The following SYK variants were observed in gnomAD, a reference collection of about 807,000 sequenced individuals.
SYK encodes the protein spleen associated tyrosine kinase.
A neutral mutation model predicts 77.8 loss-of-function variants in SYK; 16 were observed. That is an observed-to-expected ratio of 0.21 (90% CI 0.14 to 0.31). The LOEUF (loss-of-function observed/expected upper bound fraction) is 0.31. Among genes scored for constraint, SYK ranks in the 10% least tolerant of loss-of-function variants. The probability of loss-of-function intolerance (pLI) is 1.00; values close to 1 mark genes in which losing one functional copy is unlikely to be tolerated. For missense variants in SYK, 529 were observed against 814.4 expected (o/e 0.65, Z 4.26); for synonymous variants, 312 against 308.7 (o/e 1.01, Z -0.11).
chr9:90,892,875 A>T (rs760054331), intron 13 of SYK, among the ~76,000 whole-genome samples: 5 of 152,212 alleles, frequency 3.3e-5, no homozygotes, highest in Non-Finnish European at 7.3e-5. Flanking sequence ...ATGCGGCTCA[A>T]ATTCCTGTTT....
chr9:90,879,976 G>C (rs973908791), intron 11 of SYK, among the ~76,000 whole-genome samples: 2 of 152,240 alleles, frequency 1.3e-5, no homozygotes, highest in African/African-American at 4.8e-5. Context: ...TAGGGTCTAT[G>C]TTAACCAACT....
intron 1 of SYK, among the ~76,000 whole-genome samples, chr9:90,836,659 G>T (rs1163352555): frequency 6.6e-6 from 1 of 152,144 alleles, no homozygotes; most frequent in Non-Finnish European, 1.5e-5. Flanking sequence ...ATTGCATATT[G>T]CAGTAAAAAG....
At chr9:90,858,667 G>A (rs1827133339) in intron 3 of SYK, among the ~76,000 whole-genome samples, 1 of 152,254 alleles carries the variant, frequency 6.6e-6, no homozygotes, top group African/African-American at 2.4e-5. Context: ...TGTCTCCTAT[G>A]TTTAATTAAA....
Position 90,840,573 on chromosome 9 carries a change from A to T in SYK, c.-41-3285A>T, listed in dbSNP as rs111898268. Reference sequence around the variant, plus strand: ...CTCTTCTAAAAAAAAAAAAAAAAAAAAAACTGTAGAAAGGGGAAAGCAGTC... The same window carrying T: ...CTCTTCTAAAAAAAAAAAAAAAAAATAAACTGTAGAAAGGGGAAAGCAGTC... On this transcript the variant is annotated intron_variant, in intron 1 of 13. Coordinates refer to ENST00000375754, the MANE Select transcript of SYK (RefSeq NM_003177.7). 1.6e-3 allele frequency among the ~76,000 whole-genome samples: 236 copies of T among 151,744 alleles called. 1 individual carries two copies. The highest frequency in any genetic ancestry group is 5.1e-3 in the African/African-American group (212 of 41,320).
intron 3 of SYK, among the ~76,000 whole-genome samples, chr9:90,861,019 G>A (rs548874696): frequency 2.0e-5 from 3 of 152,232 alleles, no homozygotes; most frequent in Middle Eastern, 3.4e-3. Context: ...GAGGCTTCCT[G>A]GGACTTCATG....
intron 3 of SYK, among the ~76,000 whole-genome samples, chr9:90,853,778 A>G (rs1399853547): frequency 3.9e-5 from 6 of 152,218 alleles, no homozygotes; most frequent in Non-Finnish European, 5.9e-5. Context: ...GCTAAATGAC[A>G]AGTTAATGGG....
intron 1 of SYK, among the ~76,000 whole-genome samples, chr9:90,837,389 C>G (rs1156252070): frequency 6.6e-6 from 1 of 152,054 alleles, no homozygotes; most frequent in Non-Finnish European, 1.5e-5. Context: ...GAGAAGTTAA[C>G]TATGTGCGGG....
chr9:90,803,449 A>G (rs1323690502), intron 1 of SYK, among the ~76,000 whole-genome samples: 1 of 152,206 alleles, frequency 6.6e-6, no homozygotes, highest in African/African-American at 2.4e-5. Flanking sequence ...AATAGTCTTA[A>G]TAACTAGAAA....
intron 2 of SYK, among the ~76,000 whole-genome samples, chr9:90,845,104 T>A (rs560877272): frequency 1.3e-5 from 2 of 152,220 alleles, no homozygotes; most frequent in South Asian, 4.2e-4. Context: ...CCTGGCTAAT[T>A]TTTGTATTTT....
At chr9:90,874,421 A>G (rs922793177) in intron 8 of SYK, 130 bp downstream of exon 8, 5 of 995,136 alleles carry the variant, frequency 5.0e-6, no homozygotes, top group Non-Finnish European at 7.7e-6. Flanking sequence ...CCATGGAAAC[A>G]CTCACATCTA....
At chr9:90,813,668 T>C (rs1276833718) in intron 1 of SYK, among the ~76,000 whole-genome samples, 1 of 152,152 alleles carries the variant, frequency 6.6e-6, no homozygotes, top group East Asian at 1.9e-4. Context: ...CTCTGTCAAA[T>C]GTTCATGGTT....
At chr9:90,849,058 G>T (rs1242204455) in intron 3 of SYK, among the ~76,000 whole-genome samples, 1 of 152,192 alleles carries the variant, frequency 6.6e-6, no homozygotes, top group Non-Finnish European at 1.5e-5. Context: ...GGAGAAGGGT[G>T]GAGTTGAGGG....
intron 9 of SYK, 100 bp from the exon 10 acceptor site, chr9:90,877,471 G>A (rs530683391): frequency 1.1e-4 from 143 of 1,343,076 alleles, no homozygotes; most frequent in Middle Eastern, 1.9e-4. Context: ...AGGTATTTCC[G>A]TGGGACTGTT....
chr9:90,875,820 TCCTTTGAAATACAC>T (rs1386278522), intron 9 of SYK, among the ~76,000 whole-genome samples: 32 of 152,318 alleles, frequency 2.1e-4, no homozygotes, highest in African/African-American at 7.7e-4. Context: ...GTTTCTAAAG[TCCTTTGAAATACAC>T]CCTCTGTTTG....
Position 90,897,907 on chromosome 9 carries a change from AGGAGG to A in SYK, c.*2309_*2313del, listed in dbSNP as rs1411726584. 4.4e-6 allele frequency: 1 copy of A among 226,330 alleles called. No homozygotes were observed. Among genetic ancestry groups the A allele is most frequent in the Non-Finnish European group, 8.8e-6 (1 of 113,792 alleles). The allele number at this position is 226,330 out of a possible 1,614,324, so 14.0% of individuals were successfully genotyped here. Reference sequence around the variant, plus strand: ...ATTATCCTTTCCCCTGTAGCCACCAAGGAGGGCAAATAGAGAAAGGTAACCTAATT... The same window carrying A: ...ATTATCCTTTCCCCTGTAGCCACCAAGCAAATAGAGAAAGGTAACCTAATT... On this transcript the variant is annotated 3_prime_UTR_variant, in exon 14 of 14. Coordinates refer to ENST00000375754, the MANE Select transcript of SYK (RefSeq NM_003177.7).
chr9:90,839,986 G>A (rs1339127061), intron 1 of SYK, among the ~76,000 whole-genome samples: 1 of 152,124 alleles, frequency 6.6e-6, no homozygotes, highest in Non-Finnish European at 1.5e-5. Context: ...AGGGAGGACC[G>A]GGCAGCTGGA....
intron 9 of SYK, 101 bp from the exon 10 acceptor site, chr9:90,877,470 C>T (rs1200069544): frequency 1.4e-5 from 18 of 1,331,890 alleles, no homozygotes; most frequent in South Asian, 2.8e-5. Context: ...CAGGTATTTC[C>T]GTGGGACTGT....
At chr9:90,810,873 T>C (rs1825046140) in intron 1 of SYK, among the ~76,000 whole-genome samples, 2 of 151,898 alleles carry the variant, frequency 1.3e-5, no homozygotes, top group African/African-American at 4.8e-5. Context: ...ACCCAGATAA[T>C]ATGCAGGCAT....
At chr9:90,863,212 A>T (rs151284310) in intron 4 of SYK, among the ~76,000 whole-genome samples, 51 of 152,344 alleles carry the variant, frequency 3.3e-4, no homozygotes, top group African/African-American at 9.6e-4. Context: ...TTCGCAGAGC[A>T]TCCTATAAAC....
Sources: allele counts gnomAD v4.1 joint callset (sites outside exome capture counted in the v4.1 genomes callset), GRCh38; gene constraint gnomAD v4.1.1; transcripts MANE v1.5; gene names NCBI Gene and HGNC (gene_info 2026-07-23, HGNC 2026-07-21).